The following PARVB variants were observed in gnomAD, a reference collection of about 807,000 sequenced individuals.
The protein encoded by PARVB is beta-parvin.
In PARVB, 46 loss-of-function variants were observed where a neutral mutation model predicts 47.0. The observed-to-expected ratio is 0.98, with a 90% confidence interval of 0.77 to 1.25. PARVB has a LOEUF of 1.25. PARVB is among the 50% of genes most tolerant of loss of function. The pLI, the probability that PARVB is intolerant of heterozygous loss-of-function variation, is 0.00. For synonymous variants in PARVB, 196 were observed against 196.3 expected, an observed-to-expected ratio of 1.00 and a Z score of 0.01; for missense variants, 473 against 471.6, an observed-to-expected ratio of 1.00 and a Z score of -0.03.
intron 1 of PARVB, among the ~76,000 whole-genome samples, chr22:44,062,316 C>T (rs1265308331): frequency 1.3e-5 from 2 of 152,096 alleles, no homozygotes; most frequent in African/African-American, 2.4e-5. Context: ...ACTGCTTCCT[C>T]GGTTTTGATT....
intron 1 of PARVB, among the ~76,000 whole-genome samples, chr22:44,030,917 C>T (rs901499266): frequency 5.3e-5 from 8 of 151,940 alleles, no homozygotes; most frequent in South Asian, 2.1e-4. Context: ...TCCTAGCCAA[C>T]GAAAAGGGGG....
At chr22:44,097,609 T>C (rs1458828194) in intron 2 of PARVB, among the ~76,000 whole-genome samples, 2 of 152,194 alleles carry the variant, frequency 1.3e-5, no homozygotes, top group Admixed American at 6.5e-5. Flanking sequence ...CTCCCTGGTC[T>C]GTGCAGAGCC....
intron 1 of PARVB, among the ~76,000 whole-genome samples, chr22:44,075,854 G>A (rs773727867): frequency 2.0e-5 from 3 of 152,340 alleles, no homozygotes; most frequent in Admixed American, 1.3e-4. Flanking sequence ...CAGAGGATCC[G>A]CTGCTCTTGC....
At chr22:44,134,149 G>A (rs905048360) in intron 6 of PARVB, among the ~76,000 whole-genome samples, 2 of 152,102 alleles carry the variant, frequency 1.3e-5, no homozygotes, top group African/African-American at 2.4e-5. Context: ...TGTGTTTTCC[G>A]AACCCATTCT....
intron 6 of PARVB, among the ~76,000 whole-genome samples, chr22:44,134,169 G>C (rs572193783): frequency 1.3e-5 from 2 of 152,276 alleles, no homozygotes; most frequent in East Asian, 3.9e-4. Flanking sequence ...TGGCCCCTCT[G>C]TTACCCTGGG....
At chr22:44,039,809 T>G (rs1351892203) in intron 1 of PARVB, 1 of 453,076 alleles carries the variant, frequency 2.2e-6, no homozygotes, top group African/African-American at 2.0e-5. Context: ...CACTGTGTGA[T>G]TTCATTTCAT....
chr22:44,024,462 G>C lies in PARVB; in HGVS notation c.112+11G>C, dbSNP rs2146877057. The C allele has an allele frequency of 8.9e-7, 1 of 1,123,920 alleles. No individual in the cohort carries two copies. The highest frequency in any genetic ancestry group is 1.1e-6 in the Non-Finnish European group (1 of 912,774). The allele number at this position is 1,123,920 out of a possible 1,614,324, so 69.6% of individuals were successfully genotyped here. ...GGAGGGCGCGCGAGGGTGAGTGCGC[G>C]CCCGCGCCCGCCGACCCCCGGGGAC... On this transcript the variant is annotated intron_variant, in intron 1 of 12. Coordinates refer to ENST00000338758, the MANE Select transcript of PARVB (RefSeq NM_013327.5).
chr22:44,082,943 G>T (rs1281751482), intron 1 of PARVB, among the ~76,000 whole-genome samples: 1 of 152,156 alleles, frequency 6.6e-6, no homozygotes, highest in Non-Finnish European at 1.5e-5. Flanking sequence ...CCATCTCGGG[G>T]TGGTCTGTAT....
intron 1 of PARVB, among the ~76,000 whole-genome samples, chr22:44,071,105 G>A (rs1251509159): frequency 6.6e-6 from 1 of 152,176 alleles, no homozygotes; most frequent in Non-Finnish European, 1.5e-5. Context: ...AGTGTGGGGT[G>A]TGGGGGAACA....
At chr22:44,028,264 G>A (rs970711641) in intron 1 of PARVB, among the ~76,000 whole-genome samples, 16 of 151,966 alleles carry the variant, frequency 1.1e-4, no homozygotes, top group Admixed American at 3.3e-4. Flanking sequence ...TGCTGCCTAT[G>A]CATCCCTCCG....
chr22:44,096,107 C>T (rs899822191), intron 2 of PARVB, among the ~76,000 whole-genome samples: 1 of 152,212 alleles, frequency 6.6e-6, no homozygotes, highest in East Asian at 1.9e-4. Flanking sequence ...CACCTGAAAT[C>T]CCCGCTACCT....
At chr22:44,028,992 T>A (rs973540046) in intron 1 of PARVB, among the ~76,000 whole-genome samples, 2 of 152,194 alleles carry the variant, frequency 1.3e-5, no homozygotes, top group Non-Finnish European at 2.9e-5. Context: ...TTTTTATTTT[T>A]ATTTTATTTT....
At chr22:44,137,301 C>T (rs1279220960) in intron 7 of PARVB, among the ~76,000 whole-genome samples, 5 of 152,166 alleles carry the variant, frequency 3.3e-5, no homozygotes, top group Non-Finnish European at 7.3e-5. Flanking sequence ...GATGCATGTG[C>T]AGAGGCCCAT....
chr22:44,031,866 C>T (rs2050832817), intron 1 of PARVB, among the ~76,000 whole-genome samples: 1 of 152,036 alleles, frequency 6.6e-6, no homozygotes, highest in Non-Finnish European at 1.5e-5. Flanking sequence ...AGGGCAGGTA[C>T]CTTTACCGAG....
chr22:44,077,017 G>T (rs2051790514), intron 1 of PARVB, among the ~76,000 whole-genome samples: 1 of 152,158 alleles, frequency 6.6e-6, no homozygotes. Context: ...TTGAGTATGG[G>T]TCCTGTGCCT....
At position 44,163,967 on chromosome 22, in the gene PARVB, C is replaced by T. The variant is rs370543969; in HGVS notation, c.1018+37C>T. On this transcript the variant is annotated intron_variant, in intron 12 of 12. Transcript: ENST00000338758. The stretch of plus-strand genomic sequence containing the variant: ...GGCTCAGGTTCCCCCGGGAGAGGTG[C>T]GCACGGAGGGGAAGAAAAACGGGTC... 1.9e-4 allele frequency: 290 copies of T among 1,516,406 alleles called. 1 individual carries two copies. In the Middle Eastern group the frequency reaches 3.1e-3, roughly 16 times the overall value. The allele number at this position is 1,516,406 out of a possible 1,614,324, so 93.9% of individuals were successfully genotyped here.
chr22:44,093,992 T>C lies in PARVB; in HGVS notation c.177T>C (p.Asp59=), dbSNP rs746081917. 2 of 1,611,870 alleles carry C rather than the reference T, an allele frequency of 1.2e-6. No homozygotes were observed. Among genetic ancestry groups the C allele is most frequent in the Non-Finnish European group, 1.7e-6 (2 of 1,178,020 alleles). Residue 59 remains aspartate, a synonymous_variant, in exon 2 of 13, where the codon GAT becomes GAC. Coordinates refer to ENST00000338758, the MANE Select transcript of PARVB (RefSeq NM_013327.5). ...CACCGATGTCCCCCGCCCTGGTGGATGTTCACCCTGAAGACACCCAGCTTG... is the reference window on the plus strand; with the variant it reads ...CACCGATGTCCCCCGCCCTGGTGGACGTTCACCCTGAAGACACCCAGCTTG... ...INSPMSPALV[D]VHPEDTQLEE...
At chr22:44,116,404 C>T (rs768265835) in intron 3 of PARVB, among the ~76,000 whole-genome samples, 3 of 152,236 alleles carry the variant, frequency 2.0e-5, no homozygotes, top group Admixed American at 6.5e-5. Context: ...ATTTTCCTTT[C>T]TATCAACCAT....
At position 44,068,178 on chromosome 22, in the gene PARVB, T is replaced by C. The variant is rs559822524; in HGVS notation, c.113-25750T>C. On this transcript the variant is annotated intron_variant, in intron 1 of 12. Coordinates refer to ENST00000338758, the MANE Select transcript of PARVB (RefSeq NM_013327.5). The surrounding 1 kb of genome is among the most constrained non-coding windows in gnomAD (Gnocchi z 4.1). ...CTCAGGAAAGAGCTTCCACAGGGAG[T>C]TGGGGGACTGGTAATTGGAATAAAT... Among the ~76,000 whole-genome samples, 1 of 151,922 alleles carries C rather than the reference T, an allele frequency of 6.6e-6. No individual in the cohort carries two copies. The highest frequency in any genetic ancestry group is 2.1e-4 in the South Asian group (1 of 4,794).
Sources: gnomAD v4.1 joint callset for allele counts (sites outside exome capture counted in the v4.1 genomes callset) on GRCh38, gnomAD v4.1.1 for gene constraint, Gnocchi (gnomAD v3.1) non-coding constraint, MANE v1.5 for transcripts, NCBI Gene and HGNC (gene_info 2026-07-23, HGNC 2026-07-21) for gene names.